Variants in CNTNAP2 observed in about 807,000 individuals in gnomAD.
The protein encoded by CNTNAP2 is contactin associated protein 2.
Under a neutral mutation model 155.2 loss-of-function variants are expected in CNTNAP2, and 98 were observed. That is an observed-to-expected ratio of 0.63 (90% CI 0.54 to 0.75). The LOEUF is 0.75. Ranked by LOEUF, CNTNAP2 falls within the 30% of genes least tolerant of loss-of-function variation. The pLI is 0.00. For synonymous variants in CNTNAP2, 651 were observed against 631.2 expected (o/e 1.03, Z -0.47); for missense variants, 1,727 against 1,688.1 (o/e 1.02, Z -0.40).
chr7:147,445,629 C>T (rs1299816029), intron 10 of CNTNAP2, among the ~76,000 whole-genome samples: 2 of 152,152 alleles, frequency 1.3e-5, no homozygotes, highest in African/African-American at 2.4e-5. Context: ...ACATTCTCAA[C>T]AGGCATATGC....
rs1188425707 is a variant in CNTNAP2, at chr7:148,416,009, A to C, written c.*393A>C. ...CGTGGGTATTTTTTTTCTTGAGAAA[A>C]GCTAATGCACCTACAGATGGCCCCC... On this transcript the variant is annotated 3_prime_UTR_variant, in exon 24 of 24. Coordinates refer to ENST00000361727, the MANE Select transcript of CNTNAP2 (RefSeq NM_014141.6). The C allele has an allele frequency of 4.4e-6, 1 of 228,940 alleles. No individual in the cohort carries two copies. The highest frequency in any genetic ancestry group is 8.5e-6 in the Non-Finnish European group (1 of 117,154). The allele number at this position is 228,940 out of a possible 1,614,324, so 14.2% of individuals were successfully genotyped here.
At chr7:147,790,751 G>A (rs990826115) in intron 13 of CNTNAP2, among the ~76,000 whole-genome samples, 1 of 152,174 alleles carries the variant, frequency 6.6e-6, no homozygotes, top group African/African-American at 2.4e-5. Context: ...AGAAATGCTC[G>A]TGAGAGTTAA....
intron 9 of CNTNAP2, among the ~76,000 whole-genome samples, chr7:147,314,245 T>C (rs955212890): frequency 6.6e-6 from 1 of 152,180 alleles, no homozygotes; most frequent in African/African-American, 2.4e-5. Flanking sequence ...TTAGGTATAA[T>C]GTGTGGGATT....
intron 3 of CNTNAP2, among the ~76,000 whole-genome samples, chr7:146,894,139 A>C (rs891368682): frequency 2.6e-5 from 4 of 152,168 alleles, no homozygotes; most frequent in Middle Eastern, 3.2e-3. Flanking sequence ...CCATACACCA[A>C]GCAACTTTTG....
chr7:148,101,350 A>AGAGTGTGTGTGTGT (rs1247428489), intron 15 of CNTNAP2, among the ~76,000 whole-genome samples: 26 of 144,454 alleles, frequency 1.8e-4, no homozygotes, highest in African/African-American at 6.2e-4. Flanking sequence ...TAAAAAGTTC[A>AGAGTGTGTGTGTGT]GTGTGTGTGT....
chr7:147,128,383 G>T (rs564617594), intron 6 of CNTNAP2, among the ~76,000 whole-genome samples: 1 of 152,124 alleles, frequency 6.6e-6, no homozygotes, highest in Non-Finnish European at 1.5e-5. Flanking sequence ...TTTGATACAA[G>T]AAGTTTGCTG....
At chr7:146,912,884 T>G (rs1431433516) in intron 3 of CNTNAP2, among the ~76,000 whole-genome samples, 1 of 152,166 alleles carries the variant, frequency 6.6e-6, no homozygotes, top group African/African-American at 2.4e-5. Flanking sequence ...ACATTCTTTA[T>G]TTTGACCCAC....
intron 1 of CNTNAP2, among the ~76,000 whole-genome samples, chr7:146,230,664 TAGAC>T (rs547533742): frequency 1.2e-3 from 181 of 152,304 alleles, no homozygotes; most frequent in African/African-American, 4.2e-3. Context: ...TCTATAGAAA[TAGAC>T]AGGTCATAGA....
chr7:147,182,917 C>G (rs1359340015), intron 8 of CNTNAP2, among the ~76,000 whole-genome samples: 1 of 152,064 alleles, frequency 6.6e-6, no homozygotes, highest in Non-Finnish European at 1.5e-5. Context: ...CAGTCAGTAA[C>G]TGTGACTATT....
At chr7:146,362,428 AC>A (rs1795095129) in intron 1 of CNTNAP2, among the ~76,000 whole-genome samples, 1 of 152,182 alleles carries the variant, frequency 6.6e-6, no homozygotes, top group African/African-American at 2.4e-5. Flanking sequence ...GCCATTGAGC[AC>A]CTCATTCATA....
intron 21 of CNTNAP2, among the ~76,000 whole-genome samples, chr7:148,379,636 C>T (rs956293558): frequency 6.6e-6 from 1 of 152,148 alleles, no homozygotes; most frequent in Admixed American, 6.5e-5. Flanking sequence ...TTGCTTGAGC[C>T]CGGGAGGTTG....
intron 9 of CNTNAP2, among the ~76,000 whole-genome samples, chr7:147,345,958 A>G (rs1275050400): frequency 2.6e-5 from 4 of 152,130 alleles, no homozygotes; most frequent in African/African-American, 4.8e-5. Context: ...TTAATTAATT[A>G]ATAGGCCGCA....
chr7:147,122,945 A>G (rs746494636), intron 6 of CNTNAP2: 2 of 152,234 alleles, frequency 1.3e-5, no homozygotes, highest in Middle Eastern at 3.4e-3. Context: ...CAGGATTAAT[A>G]GCTGTGTTTT....
At chr7:147,836,839 T>C (rs1798641777) in intron 13 of CNTNAP2, among the ~76,000 whole-genome samples, 1 of 152,220 alleles carries the variant, frequency 6.6e-6, no homozygotes, top group Non-Finnish European at 1.5e-5. Context: ...GTTTCCAACA[T>C]ATAAAATTGA....
At chr7:148,080,604 C>CAAA (rs199500286) in intron 15 of CNTNAP2, among the ~76,000 whole-genome samples, 11 of 69,726 alleles carry the variant, frequency 1.6e-4, no homozygotes, top group African/African-American at 5.2e-4. Context: ...GACTCCATCT[C>CAAA]AAAAAAAAAA....
chr7:147,244,480 C>A lies in CNTNAP2; in HGVS notation c.1349-55661C>A, dbSNP rs575303869. On this transcript the variant is annotated intron_variant, in intron 8 of 23. Transcript: ENST00000361727. ...ATTTTCTCTTAATGGCTGATTAAATCTTGACAATATAAAGCAGTCCAGTCA... is the reference window on the plus strand; with the variant it reads ...ATTTTCTCTTAATGGCTGATTAAATATTGACAATATAAAGCAGTCCAGTCA... Among the ~76,000 whole-genome samples, 3 of 152,228 alleles carry A rather than the reference C, an allele frequency of 2.0e-5. No homozygotes were observed. In the South Asian group the frequency reaches 6.2e-4, roughly 32 times the overall value.
At chr7:146,200,730 A>C (rs149322202) in intron 1 of CNTNAP2, among the ~76,000 whole-genome samples, 260 of 152,170 alleles carry the variant, frequency 1.7e-3, no homozygotes, top group African/African-American at 6.0e-3. Flanking sequence ...GGATTGCGCA[A>C]ATGCACTCTG....
chr7:146,938,337 T>G (rs1206951518), intron 3 of CNTNAP2, among the ~76,000 whole-genome samples: 1 of 151,368 alleles, frequency 6.6e-6, no homozygotes, highest in Admixed American at 6.6e-5. Context: ...TGTGTGTTTA[T>G]ATATATCTCT....
chr7:147,781,440 A>G (rs1248158039), intron 13 of CNTNAP2, among the ~76,000 whole-genome samples: 1 of 152,180 alleles, frequency 6.6e-6, no homozygotes, highest in Non-Finnish European at 1.5e-5. Flanking sequence ...GGCAGTGGAC[A>G]TGGCTAGAGC....
Sources: allele counts gnomAD v4.1 joint callset (sites outside exome capture counted in the v4.1 genomes callset), GRCh38; gene constraint gnomAD v4.1.1; transcripts MANE v1.5; gene names NCBI Gene and HGNC (gene_info 2026-07-23, HGNC 2026-07-21).